The following TAFA5 variants were observed in gnomAD, a reference collection of about 807,000 sequenced individuals.
The protein encoded by TAFA5 is TAFA chemokine like family member 5, also known as chemokine-like protein TAFA-5.
A neutral mutation model predicts 15.3 loss-of-function variants in TAFA5; 6 were observed. The observed-to-expected ratio is 0.39, with a 90% confidence interval of 0.21 to 0.77. TAFA5 has a LOEUF of 0.77. TAFA5 is among the 30% of genes least tolerant of loss of function. The pLI, the probability that TAFA5 is intolerant of heterozygous loss-of-function variation, is 0.41. For missense variants in TAFA5, 161 were observed against 193.1 expected, an observed-to-expected ratio of 0.83 and a Z score of 0.98; for synonymous variants, 103 against 80.7, an observed-to-expected ratio of 1.28 and a Z score of -1.48.
At chr22:48,743,799 G>A (rs1217242332) in intron 3 of TAFA5, among the ~76,000 whole-genome samples, 1 of 152,234 alleles carries the variant, frequency 6.6e-6, no homozygotes, top group African/African-American at 2.4e-5. Context: ...GCCCTCCTGA[G>A]TCAGGTGCCT....
At chr22:48,558,257 C>T (rs538775667) in intron 1 of TAFA5, among the ~76,000 whole-genome samples, 3 of 152,318 alleles carry the variant, frequency 2.0e-5, no homozygotes, top group African/African-American at 4.8e-5. Context: ...TGCTGGGAGC[C>T]GGCAAATCAT....
intron 3 of TAFA5, among the ~76,000 whole-genome samples, chr22:48,746,449 G>A (rs1930330225): frequency 6.6e-6 from 1 of 152,034 alleles, no homozygotes; most frequent in Admixed American, 6.5e-5. Flanking sequence ...AGCTGCAATC[G>A]CACCACTGCA....
At chr22:48,670,113 G>A (rs997355856) in intron 2 of TAFA5, among the ~76,000 whole-genome samples, 7 of 152,170 alleles carry the variant, frequency 4.6e-5, no homozygotes, top group East Asian at 3.9e-4. Context: ...CATGTTAGGC[G>A]CTTAGATCCT....
At chr22:48,618,327 C>G (rs1925686462) in intron 1 of TAFA5, among the ~76,000 whole-genome samples, 1 of 152,344 alleles carries the variant, frequency 6.6e-6, no homozygotes, top group Non-Finnish European at 1.5e-5. Flanking sequence ...AGCCTGTGCA[C>G]TGACGCTCGC....
At chr22:48,642,887 G>C (rs551849965) in intron 1 of TAFA5, among the ~76,000 whole-genome samples, 1 of 152,228 alleles carries the variant, frequency 6.6e-6, no homozygotes, top group East Asian at 1.9e-4. Flanking sequence ...CTGTGGGAGA[G>C]CCAGGGAGCT....
intron 2 of TAFA5, among the ~76,000 whole-genome samples, chr22:48,676,527 G>C (rs951782956): frequency 2.0e-5 from 3 of 151,990 alleles, no homozygotes; most frequent in Non-Finnish European, 2.9e-5. Flanking sequence ...CCTGGTGGTC[G>C]TTCAGGAGTC....
Position 48,490,311 on chromosome 22 carries a change from C to T in TAFA5, c.112+607C>T, listed in dbSNP as rs868309069. ...GCTCGCCGCGGCCGCGGACGTTTCT[C>T]GGGTCGTGTCTGGGGCCCGAGCTGG... On this transcript the variant is annotated intron_variant, in intron 1 of 3. Transcript: ENST00000402357. The surrounding 1 kb of genome is among the most constrained non-coding windows in gnomAD (Gnocchi z 5.8). Among the ~76,000 whole-genome samples the T allele has an allele frequency of 6.6e-6, 1 of 152,012 alleles. No individual in the cohort carries two copies. The highest frequency in any genetic ancestry group is 2.4e-5 in the African/African-American group (1 of 41,506).
intron 1 of TAFA5, among the ~76,000 whole-genome samples, chr22:48,494,552 G>A (rs78910857): frequency 5.9e-5 from 9 of 152,308 alleles, no homozygotes; most frequent in Admixed American, 1.3e-4. Flanking sequence ...GCAGATGCAG[G>A]GGGCCCATAG....
intron 1 of TAFA5, among the ~76,000 whole-genome samples, chr22:48,492,236 T>C (rs1928180439): frequency 6.6e-6 from 1 of 152,120 alleles, no homozygotes. Context: ...GAATAGTTCG[T>C]ATTCTCGTTT....
chr22:48,655,496 C>G (rs939537601), intron 2 of TAFA5, among the ~76,000 whole-genome samples: 1 of 152,120 alleles, frequency 6.6e-6, no homozygotes. Context: ...TCCATCCTCA[C>G]GTGGTGGAAG....
chr22:48,651,470 G>A (rs370243268), intron 2 of TAFA5, among the ~76,000 whole-genome samples: 21 of 152,154 alleles, frequency 1.4e-4, no homozygotes, highest in Middle Eastern at 6.3e-3. Context: ...GAGGCCTTGC[G>A]AGCCACCTGG....
intron 1 of TAFA5, among the ~76,000 whole-genome samples, chr22:48,634,278 CTCATCACTCAT>C (rs988136588): frequency 2.9e-4 from 44 of 152,198 alleles, no homozygotes; most frequent in African/African-American, 8.4e-4. Context: ...TCATCACTCA[CTCATCACTCAT>C]TCGTTAACTC....
At chr22:48,693,002 G>A (rs1016236243) in intron 2 of TAFA5, among the ~76,000 whole-genome samples, 10 of 152,206 alleles carry the variant, frequency 6.6e-5, no homozygotes, top group African/African-American at 1.4e-4. Context: ...CCGCGAGCCC[G>A]TGCTCACTAT....
intron 2 of TAFA5, among the ~76,000 whole-genome samples, chr22:48,687,513 C>A (rs13056754): frequency 1.1e-4 from 16 of 152,062 alleles, no homozygotes; most frequent in East Asian, 1.9e-4. Flanking sequence ...AACTATGAAG[C>A]CTTCTGTGAG....
chr22:48,516,498 C>T (rs1352491124), intron 1 of TAFA5, among the ~76,000 whole-genome samples: 4 of 152,250 alleles, frequency 2.6e-5, no homozygotes, highest in Non-Finnish European at 5.9e-5. Flanking sequence ...CCGCCCCCAA[C>T]TCTCGGCAGG....
At chr22:48,662,218 G>T (rs75361126) in intron 2 of TAFA5, among the ~76,000 whole-genome samples, 1 of 152,116 alleles carries the variant, frequency 6.6e-6, no homozygotes, top group African/African-American at 2.4e-5. Flanking sequence ...GGAACATGGC[G>T]GGAGCACAAG....
At chr22:48,535,567 G>C (rs74572298) in intron 1 of TAFA5, among the ~76,000 whole-genome samples, 2 of 151,716 alleles carry the variant, frequency 1.3e-5, no homozygotes, top group Non-Finnish European at 2.9e-5. Flanking sequence ...AAGCTGTGTG[G>C]GTATATGCAT....
intron 2 of TAFA5, among the ~76,000 whole-genome samples, chr22:48,675,672 C>T (rs994692031): frequency 6.6e-6 from 1 of 152,258 alleles, no homozygotes; most frequent in African/African-American, 2.4e-5. Context: ...TGCAAAAGCC[C>T]GGCTTCCCTC....
intron 1 of TAFA5, among the ~76,000 whole-genome samples, chr22:48,593,100 C>T (rs892407171): frequency 3.3e-5 from 5 of 152,192 alleles, no homozygotes; most frequent in African/African-American, 7.2e-5. Context: ...CCGCAGCAGA[C>T]GCGGGATGGG....
Sources: gnomAD v4.1 joint callset for allele counts (sites outside exome capture counted in the v4.1 genomes callset) on GRCh38, gnomAD v4.1.1 for gene constraint, Gnocchi (gnomAD v3.1) non-coding constraint, MANE v1.5 for transcripts, NCBI Gene and HGNC (gene_info 2026-07-23, HGNC 2026-07-21) for gene names.